The following INO80D variants were observed in gnomAD, a reference collection of about 807,000 sequenced individuals.
INO80D encodes the protein INO80 complex subunit D.
A neutral mutation model predicts 87.6 loss-of-function variants in INO80D; 21 were observed. The ratio of observed to expected loss-of-function variants is 0.24; its 90% CI spans 0.17 to 0.35. The LOEUF (loss-of-function observed/expected upper bound fraction) is 0.35, where lower values mean the gene tolerates loss of function less well. Among genes scored for constraint, INO80D ranks in the 10% least tolerant of loss-of-function variants. The pLI is 1.00. For synonymous variants in INO80D, 440 were observed against 491.0 expected (o/e 0.90, Z 1.37); for missense variants, 982 against 1,280.7 (o/e 0.77, Z 3.56).
At position 206,027,148 on chromosome 2, in the gene INO80D, GCGCACGCGCA is replaced by G. The variant is rs1215127271; in HGVS notation, c.1298+953_1298+962del. Among the ~76,000 whole-genome samples, 3 of 98,112 alleles carry G rather than the reference GCGCACGCGCA, an allele frequency of 3.1e-5. No homozygotes were observed. In the South Asian group the frequency reaches 1.3e-3, roughly 41 times the overall value. The allele number at this position is 98,112 out of a possible 152,430, so 64.4% of individuals were successfully genotyped here. On this transcript the variant is annotated intron_variant, in intron 6 of 10. Coordinates refer to ENST00000403263, the MANE Select transcript of INO80D (RefSeq NM_017759.5). ...CACTGGAAAATTTACACACGCACGC[GCGCACGCGCA>G]CACACACACACACACACACAGAGAA...
chr2:206,073,314 T>C (rs960496603), intron 1 of INO80D, among the ~76,000 whole-genome samples: 1 of 152,216 alleles, frequency 6.6e-6, no homozygotes, highest in African/African-American at 2.4e-5. Context: ...TTTCACTCTT[T>C]ACCCCTAGCC....
intron 6 of INO80D, among the ~76,000 whole-genome samples, chr2:206,021,551 G>A (rs868678338): frequency 6.6e-6 from 1 of 152,088 alleles, no homozygotes; most frequent in Non-Finnish European, 1.5e-5. Context: ...TACTATTCTG[G>A]CAGCTAAGCT....
Position 205,995,909 on chromosome 2 carries a change from T to C in INO80D, c.*8459A>G, listed in dbSNP as rs957862570. On this transcript the variant is annotated 3_prime_UTR_variant, in exon 11 of 11. Coordinates refer to ENST00000403263, the MANE Select transcript of INO80D (RefSeq NM_017759.5). ...CAAGAGGCTAACATGTGACCTTGTA[T>C]GCTTTCCATTAAAATGTAAATGGTG... 1 of 152,178 alleles carries C rather than the reference T, an allele frequency of 6.6e-6. No individual in the cohort carries two copies. The highest frequency in any genetic ancestry group is 1.5e-5 in the Non-Finnish European group (1 of 67,990). 9.4% of individuals were successfully genotyped at this position (152,178 alleles called of 1,614,324 possible).
intron 1 of INO80D, among the ~76,000 whole-genome samples, chr2:206,075,020 C>T (rs1656284108): frequency 1.7e-5 from 2 of 114,310 alleles, no homozygotes; most frequent in Non-Finnish European, 3.4e-5. Flanking sequence ...GCCTGGATGA[C>T]AAGAGCGAAA....
chr2:206,005,483 G>A lies in INO80D; in HGVS notation c.1969C>T (p.Arg657Trp), dbSNP rs1465890468. 5 of 1,613,702 alleles carry A rather than the reference G, an allele frequency of 3.1e-6. No individual in the cohort carries two copies. The highest frequency in any genetic ancestry group is 4.2e-6 in the Non-Finnish European group (5 of 1,179,872). Residue 657 changes from arginine to tryptophan, a missense_variant, in exon 11 of 11, where the codon CGG becomes TGG. Transcript: ENST00000403263. ...PTTEEAEELE[R>W]ALQAVTSLEC... ...AGAGAAGTTACAGCCTGCAAGGCCC[G>A]TTCAAGCTCCTCAGCCTCTTCGGTA... is the stretch of plus-strand genomic sequence containing the variant.
At chr2:206,079,316 G>A (rs957997102) in intron 1 of INO80D, among the ~76,000 whole-genome samples, 40 of 152,134 alleles carry the variant, frequency 2.6e-4, no homozygotes, top group Admixed American at 3.9e-4. Context: ...CAAGTGATCC[G>A]CCCACCTTGG....
intron 4 of INO80D, among the ~76,000 whole-genome samples, chr2:206,051,095 T>TA (rs1689354795): frequency 6.6e-6 from 1 of 152,166 alleles, no homozygotes; most frequent in Non-Finnish European, 1.5e-5. Context: ...AATATGTTCA[T>TA]ATATTCTTGG....
At chr2:206,052,134 G>A (rs960344477) in intron 4 of INO80D, among the ~76,000 whole-genome samples, 20 of 152,144 alleles carry the variant, frequency 1.3e-4, no homozygotes, top group African/African-American at 4.8e-4. Context: ...TGAGGAAGAG[G>A]ACTTACACAA....
At chr2:206,084,187 C>G (rs1332906161) in intron 1 of INO80D, among the ~76,000 whole-genome samples, 1 of 148,088 alleles carries the variant, frequency 6.8e-6, no homozygotes, top group African/African-American at 2.5e-5. Flanking sequence ...TTTATATATG[C>G]ATATAAAATA....
intron 1 of INO80D, among the ~76,000 whole-genome samples, chr2:206,078,252 T>C (rs1447135417): frequency 6.6e-6 from 1 of 151,598 alleles, no homozygotes; most frequent in Admixed American, 6.6e-5. Context: ...ACCCTGTCTC[T>C]ACTAAAAATA....
intron 6 of INO80D, among the ~76,000 whole-genome samples, chr2:206,021,912 C>A (rs1327335987): frequency 1.3e-5 from 2 of 152,082 alleles, no homozygotes; most frequent in East Asian, 3.9e-4. Flanking sequence ...CCACACCCTG[C>A]CTGAATGGAT....
In INO80D at chr2:206,013,484, G is replaced by A. The variant is rs184836107; in HGVS notation, c.1543-3690C>T. Among the ~76,000 whole-genome samples the A allele has an allele frequency of 5.6e-3, 826 of 148,674 alleles. 7 individuals are homozygous for A. Among genetic ancestry groups the A allele is most frequent in the Non-Finnish European group, 7.6e-3 (509 of 66,798 alleles). On this transcript the variant is annotated intron_variant, in intron 8 of 10. Coordinates refer to ENST00000403263, the MANE Select transcript of INO80D (RefSeq NM_017759.5). ...GAAGAATGGCGTGAACCCGGGAGGT[G>A]GAGCTTGCAGTGAGCCGAGATCTCA...
At chr2:206,040,794 G>T in intron 5 of INO80D, 1 of 228,930 alleles carries the variant, frequency 4.4e-6, no homozygotes, top group Non-Finnish European at 9.3e-6. Flanking sequence ...AGCTCAAAGA[G>T]AGATACAAAA....
intron 1 of INO80D, among the ~76,000 whole-genome samples, chr2:206,084,252 CA>C (rs1690369640): frequency 4.2e-5 from 6 of 142,504 alleles, no homozygotes; most frequent in Non-Finnish European, 7.6e-5. Flanking sequence ...CACACACACA[CA>C]CACACACACA....
intron 5 of INO80D, among the ~76,000 whole-genome samples, chr2:206,029,699 C>T (rs1688710702): frequency 6.6e-6 from 1 of 152,200 alleles, no homozygotes; most frequent in South Asian, 2.1e-4. Flanking sequence ...TACAGATCTA[C>T]AAATTGAAGG....
At chr2:206,044,468 G>A (rs1211552370) in intron 5 of INO80D, among the ~76,000 whole-genome samples, 2 of 121,844 alleles carry the variant, frequency 1.6e-5, no homozygotes, top group African/African-American at 6.1e-5. Context: ...AAGAAGTAAG[G>A]ATAAATACCT....
chr2:206,030,011 G>A (rs997801020), intron 5 of INO80D, among the ~76,000 whole-genome samples: 4 of 152,130 alleles, frequency 2.6e-5, no homozygotes, highest in African/African-American at 9.7e-5. Context: ...CATGGTATAG[G>A]GCCCAGGATT....
rs1200708237 is a variant in INO80D, at chr2:206,004,746, T to C, written c.2706A>G (p.Pro902=). Residue 902 remains proline (P), a synonymous_variant, in exon 11 of 11, where the codon CCA becomes CCG. Transcript: ENST00000403263. The surrounding 1 kb of genome is among the most constrained non-coding windows in gnomAD (Gnocchi z 4.9). Reference sequence around the variant, plus strand: ...CATCTGCGCCGAGAAGGTTGCTAAATGGAGAGGGGTCTCCAAGGTTGACAG... The same window carrying C: ...CATCTGCGCCGAGAAGGTTGCTAAACGGAGAGGGGTCTCCAAGGTTGACAG... ...NLPVNLGDPS[P]FSNLLGADGH... The C allele has an allele frequency of 1.2e-6, 2 of 1,613,802 alleles. No individual in the cohort carries two copies. The highest frequency in any genetic ancestry group is 2.2e-5 in the East Asian group (1 of 44,846).
chr2:206,081,330 T>C (rs1690278265), intron 1 of INO80D, among the ~76,000 whole-genome samples: 1 of 152,206 alleles, frequency 6.6e-6, no homozygotes, highest in African/African-American at 2.4e-5. Context: ...TGGTTATCCT[T>C]TGAGTGGGAA....
Sources: gnomAD v4.1 joint callset for allele counts (sites outside exome capture counted in the v4.1 genomes callset) on GRCh38, gnomAD v4.1.1 for gene constraint, Gnocchi (gnomAD v3.1) non-coding constraint, MANE v1.5 for transcripts, NCBI Gene and HGNC (gene_info 2026-07-23, HGNC 2026-07-21) for gene names.